PADI2: variants seen among roughly 807,000 people sequenced by gnomAD.
The protein encoded by PADI2 is protein-arginine deiminase type-2.
PADI2 carries 70 observed loss-of-function variants against 81.1 expected under a neutral mutation model. The observed-to-expected ratio is 0.86, with a 90% CI of 0.71 to 1.05. The LOEUF (loss-of-function observed/expected upper bound fraction) is 1.05, where lower values mean the gene tolerates loss of function less well. Among genes scored for constraint, PADI2 ranks in the 50% least tolerant of loss-of-function variants. The pLI is 0.00. For missense variants in PADI2, 853 were observed against 889.9 expected (o/e 0.96, Z 0.53); for synonymous variants, 338 against 358.0 (o/e 0.94, Z 0.63).
chr1:17,082,747 A>C, intron 9 of PADI2, 95 bp from the exon 10 acceptor site: 1 of 719,572 alleles, frequency 1.4e-6, no homozygotes, highest in Non-Finnish European at 2.4e-6. Context: ...ACAAAGGAAG[A>C]AGAACGTCTG....
chr1:17,077,238 C>T (rs1307218191), intron 11 of PADI2, among the ~76,000 whole-genome samples: 1 of 152,198 alleles, frequency 6.6e-6, no homozygotes, highest in East Asian at 1.9e-4. Flanking sequence ...GTTTTATCTT[C>T]TCCATTGCAT....
At chr1:17,079,566 G>A (rs1338233407) in intron 10 of PADI2, 151 bp from the exon 11 acceptor site, 1 of 597,760 alleles carries the variant, frequency 1.7e-6, no homozygotes, top group African/African-American at 1.9e-5. Flanking sequence ...TTAACAAAGA[G>A]CAGGGGCCTG....
At chr1:17,104,366 T>C (rs1237998745) in intron 2 of PADI2, among the ~76,000 whole-genome samples, 1 of 151,898 alleles carries the variant, frequency 6.6e-6, no homozygotes, top group Non-Finnish European at 1.5e-5. Context: ...TGATAATATT[T>C]TGATAGATAG....
chr1:17,073,814 G>C (rs1345244442), intron 13 of PADI2, among the ~76,000 whole-genome samples: 2 of 152,158 alleles, frequency 1.3e-5, no homozygotes, highest in Non-Finnish European at 2.9e-5. Flanking sequence ...CTCTAACCTG[G>C]CTGGTTGTCT....
In PADI2 at chr1:17,079,259, CT is replaced by C; in HGVS notation, c.1310+4del. 6.2e-7 allele frequency: 1 copy of C among 1,612,576 alleles called. No individual in the cohort carries two copies. Among genetic ancestry groups the C allele is most frequent in the Admixed American group, 1.7e-5 (1 of 59,886 alleles). The stretch of plus-strand genomic sequence containing the variant: ...AGCCCCTAGCCCCAGCCTGGCTTCT[CT>C]TACAGAGGAAAGCTGCTCCCGATGA... On this transcript the variant is annotated splice_donor_region_variant and intron_variant, in intron 11 of 15. Coordinates refer to ENST00000375486, the MANE Select transcript of PADI2 (RefSeq NM_007365.3).
rs1320163820 is a variant in PADI2 at position 17,074,870 on chromosome 1, G to T, written c.1535C>A (p.Ala512Asp). The change falls in exon 13 of 16, where the codon GCC (alanine) becomes GAC (aspartate). Residue 512 changes from alanine to aspartate, a missense_variant. Ala to Asp is a moderately radical substitution (Grantham distance 126). Transcript: ENST00000375486. ...TGGCCACTCACCTTTGAACATGATG[G>T]CCTCTCCATGGCCGTCCTTCTGCTT... ...REKQKDGHGE[A>D]IMFKGLGGMS... The T allele has an allele frequency of 1.2e-6, 2 of 1,610,500 alleles. No homozygotes were observed. Among genetic ancestry groups the T allele is most frequent in the Admixed American group, 3.3e-5 (2 of 59,932 alleles).
rs1570978143 is a variant in PADI2 at position 17,075,930 on chromosome 1, C to T, written c.1311-107G>A. 4 of 1,004,164 alleles carry T rather than the reference C, an allele frequency of 4.0e-6. No individual in the cohort carries two copies. In the Admixed American group the frequency reaches 6.4e-5, roughly 16 times the overall value. The allele number at this position is 1,004,164 out of a possible 1,614,324, so 62.2% of individuals were successfully genotyped here. A position where few individuals can be genotyped will look rare whatever the true frequency, so the allele number is the denominator to read the frequency against. On this transcript the variant is annotated intron_variant, in intron 11 of 15. Coordinates refer to ENST00000375486, the MANE Select transcript of PADI2 (RefSeq NM_007365.3). ...CACCTCGGACCCAGAGTGACATCAG[C>T]AGAGAAGTCCCAGGAAGGAGACTAG...
intron 6 of PADI2, among the ~76,000 whole-genome samples, chr1:17,090,195 A>G (rs916154500): frequency 3.3e-5 from 5 of 152,226 alleles, no homozygotes; most frequent in Non-Finnish European, 5.9e-5. Context: ...CATAATTGCC[A>G]TTTATGGAGA....
Position 17,112,292 on chromosome 1 carries a change from G to A in PADI2, c.92+6988C>T, listed in dbSNP as rs562539076. 3.9e-5 allele frequency among the ~76,000 whole-genome samples: 6 copies of A among 152,210 alleles called. 1 individual carries two copies. Among genetic ancestry groups the A allele is most frequent in the Middle Eastern group, 3.4e-3 (1 of 294 alleles). Reference sequence around the variant, plus strand: ...TCTCTAGGAGCCATGGTCCTCTCTGGTCTTGGCTCGGTCAGTGGGGAGGGT... The same window carrying A: ...TCTCTAGGAGCCATGGTCCTCTCTGATCTTGGCTCGGTCAGTGGGGAGGGT... On this transcript the variant is annotated intron_variant, in intron 1 of 15. Transcript: ENST00000375486.
Position 17,119,418 on chromosome 1 carries a change from G to A in PADI2, c.-47C>T, listed in dbSNP as rs1377022950. ...GCTCGCTGGTCCGGGGCGGCCGGGAGCACCTGCAGCAGGTGCGCCTTCTCC... is the reference window on the plus strand; with the variant it reads ...GCTCGCTGGTCCGGGGCGGCCGGGAACACCTGCAGCAGGTGCGCCTTCTCC... On this transcript the variant is annotated 5_prime_UTR_variant, in exon 1 of 16. Transcript: ENST00000375486. This position sits in a 1 kb window ranked among gnomAD's most constrained non-coding sequence, Gnocchi z 4.8. 1 of 1,406,284 alleles carries A rather than the reference G, an allele frequency of 7.1e-7. No homozygotes were observed. Among genetic ancestry groups the A allele is most frequent in the South Asian group, 1.3e-5 (1 of 77,128 alleles). The allele number at this position is 1,406,284 out of a possible 1,614,324, so 87.1% of individuals were successfully genotyped here. A position where few individuals can be genotyped will look rare whatever the true frequency, so the allele number is the denominator to read the frequency against.
At position 17,068,846 on chromosome 1, in the gene PADI2, G is replaced by A. The variant is rs1020653473; in HGVS notation, c.*198C>T. On this transcript the variant is annotated 3_prime_UTR_variant, in exon 16 of 16. Transcript: ENST00000375486. ...AGCTATTTTCAGCAGGGACAGAGTCGAGGCTCACTGGGGATGGCTTCAGAG... is the reference window on the plus strand; with the variant it reads ...AGCTATTTTCAGCAGGGACAGAGTCAAGGCTCACTGGGGATGGCTTCAGAG... The A allele has an allele frequency of 1.8e-5, 11 of 599,232 alleles. No individual in the cohort carries two copies. The highest frequency in any genetic ancestry group is 9.3e-5 in the African/African-American group (5 of 53,802). The allele number at this position is 599,232 out of a possible 1,614,324, so 37.1% of individuals were successfully genotyped here. A position where few individuals can be genotyped will look rare whatever the true frequency, so the allele number is the denominator to read the frequency against.
At chr1:17,080,569 G>A (rs1376182129) in intron 10 of PADI2, among the ~76,000 whole-genome samples, 1 of 152,182 alleles carries the variant, frequency 6.6e-6, no homozygotes, top group Non-Finnish European at 1.5e-5. Flanking sequence ...GTTACTTGGT[G>A]AAGCTGACCA....
intron 6 of PADI2, among the ~76,000 whole-genome samples, chr1:17,087,008 C>T (rs1325780463): frequency 6.6e-6 from 1 of 152,146 alleles, no homozygotes; most frequent in African/African-American, 2.4e-5. Context: ...TTAGTGGTTC[C>T]AGGGGAGGAT....
intron 13 of PADI2, among the ~76,000 whole-genome samples, chr1:17,072,178 C>T (rs1211405100): frequency 1.3e-5 from 2 of 152,220 alleles, no homozygotes; most frequent in African/African-American, 2.4e-5. Flanking sequence ...GTGTGCAGAT[C>T]AGGCAGTCTG....
At chr1:17,075,479 T>G (rs986975606) in intron 12 of PADI2, 200 bp downstream of exon 12, 9 of 502,894 alleles carry the variant, frequency 1.8e-5, no homozygotes, top group Non-Finnish European at 2.8e-5. Flanking sequence ...AGGCTGATTA[T>G]GTGTTGCAAT....
rs1187726168 is a variant in PADI2, at chr1:17,070,105, C to T, written c.1747G>A (p.Ala583Thr). ...GGCCTCACCATGTTTGGGAAGAAGG[C>T]TCTGGCACGGTGGTCCTCGTCCATC... is the stretch of plus-strand genomic sequence containing the variant. ...FKMDEDHRAR[A>T]FFPNMVNMIV... The change falls in exon 15 of 16, where the codon GCC becomes ACC. Residue 583 changes from alanine (A) to threonine (T), a missense_variant. By Grantham distance (58) the Ala-to-Thr change is moderately conservative (BLOSUM62 0). Transcript: ENST00000375486. 10 of 1,614,004 alleles carry T rather than the reference C, an allele frequency of 6.2e-6. No homozygotes were observed. In the South Asian group the frequency reaches 9.9e-5, roughly 16 times the overall value.
intron 11 of PADI2, chr1:17,078,930 A>C (rs552011354): frequency 1.4e-3 from 242 of 171,448 alleles, no homozygotes; most frequent in Admixed American, 4.0e-3. Context: ...CCCTGGACTC[A>C]AGCGATCTGC....
chr1:17,099,682 C>T (rs1931071910), intron 3 of PADI2, among the ~76,000 whole-genome samples: 1 of 152,150 alleles, frequency 6.6e-6, no homozygotes, highest in Non-Finnish European at 1.5e-5. Flanking sequence ...TTTAACTTCA[C>T]CCAGGCAGAG....
At position 17,075,833 on chromosome 1, in the gene PADI2, G is replaced by A. The variant is rs2078298212; in HGVS notation, c.1311-10C>T. 6 of 1,612,628 alleles carry A rather than the reference G, an allele frequency of 3.7e-6. No individual in the cohort carries two copies. Among genetic ancestry groups the A allele is most frequent in the Non-Finnish European group, 5.1e-6 (6 of 1,179,512 alleles). The stretch of plus-strand genomic sequence containing the variant: ...CCTCCGACCACCAGACCTGGAGAAG[G>A]GAGGAAGAGGAGTTTCAGCAAATTA... On this transcript the variant is annotated splice_polypyrimidine_tract_variant and intron_variant, in intron 11 of 15. Coordinates refer to ENST00000375486, the MANE Select transcript of PADI2 (RefSeq NM_007365.3).
Sources: allele counts gnomAD v4.1 joint callset (sites outside exome capture counted in the v4.1 genomes callset), GRCh38; gene constraint gnomAD v4.1.1; non-coding constraint Gnocchi (gnomAD v3.1); transcripts MANE v1.5; gene names NCBI Gene and HGNC (gene_info 2026-07-23, HGNC 2026-07-21).